The following RBFOX1 variants were observed in gnomAD, a reference collection of about 807,000 sequenced individuals.
The protein encoded by RBFOX1 is RNA binding fox-1 homolog 1, also known as RNA binding protein fox-1 homolog 1.
RBFOX1 carries 8 observed loss-of-function variants against 57.7 expected under a neutral mutation model. The observed-to-expected ratio is 0.14, with a 90% CI of 0.08 to 0.25. The LOEUF is 0.25. Among genes scored for constraint, RBFOX1 ranks in the 10% least tolerant of loss-of-function variants. The probability of loss-of-function intolerance (pLI) is 1.00; values close to 1 mark genes in which losing one functional copy is unlikely to be tolerated. For synonymous variants in RBFOX1, 326 were observed against 222.4 expected, an observed-to-expected ratio of 1.47 and a Z score of -4.15; for missense variants, 611 against 548.5, an observed-to-expected ratio of 1.11 and a Z score of -1.14.
chr16:6,782,671 T>C (rs1184632901), intron 3 of RBFOX1, among the ~76,000 whole-genome samples: 1 of 152,186 alleles, frequency 6.6e-6, no homozygotes, highest in Non-Finnish European at 1.5e-5. Context: ...GGAGAATATT[T>C]TATGTGCCCA....
intron 4 of RBFOX1, among the ~76,000 whole-genome samples, chr16:7,398,703 C>T (rs1268720247): frequency 6.6e-6 from 1 of 152,184 alleles, no homozygotes; most frequent in Non-Finnish European, 1.5e-5. Flanking sequence ...AGGCAACTTC[C>T]GTAGTCGGGG....
intron 3 of RBFOX1, among the ~76,000 whole-genome samples, chr16:5,771,473 A>G (rs1357603296): frequency 6.6e-6 from 1 of 152,204 alleles, no homozygotes; most frequent in Non-Finnish European, 1.5e-5. Flanking sequence ...CAGTAGAATG[A>G]TCTCAGTTCA....
intron 14 of RBFOX1, among the ~76,000 whole-genome samples, chr16:7,702,853 C>T (rs2081214009): frequency 6.6e-6 from 1 of 151,888 alleles, no homozygotes; most frequent in African/African-American, 2.4e-5. Flanking sequence ...ATTTATTTTT[C>T]ATTTGGAAAA....
chr16:5,763,388 A>C (rs542043606), intron 3 of RBFOX1, among the ~76,000 whole-genome samples: 1 of 152,274 alleles, frequency 6.6e-6, no homozygotes, highest in East Asian at 1.9e-4. Flanking sequence ...ACAGCGATGC[A>C]AACGTGTGTC....
At position 6,780,444 on chromosome 16, in the gene RBFOX1, A is replaced by ATATATATT. The variant is rs1567217458; in HGVS notation, c.-16+125800_-16+125801insTTTATATA. Among the ~76,000 whole-genome samples the ATATATATT allele has an allele frequency of 3.4e-4, 38 of 113,310 alleles. 2 individuals are homozygous for ATATATATT. The highest frequency in any genetic ancestry group is 1.4e-3 in the African/African-American group (38 of 27,500). The allele number at this position is 113,310 out of a possible 152,430, so 74.3% of individuals were successfully genotyped here. A position where few individuals can be genotyped will look rare whatever the true frequency, so the allele number is the denominator to read the frequency against. ...TTTATATATATTTATAGATATATTT[A>ATATATATT]TATATACATTTTTATATATATTTAT... On this transcript the variant is annotated intron_variant, in intron 3 of 15. Coordinates refer to ENST00000550418, the MANE Select transcript of RBFOX1 (RefSeq NM_018723.4).
intron 3 of RBFOX1, among the ~76,000 whole-genome samples, chr16:6,680,310 T>C (rs996064714): frequency 2.3e-5 from 3 of 132,886 alleles, no homozygotes; most frequent in Admixed American, 8.6e-5. Context: ...TCGCCCAGGC[T>C]GGAGTGCAGT....
At chr16:6,524,811 C>T (rs140924928) in intron 2 of RBFOX1, among the ~76,000 whole-genome samples, 3 of 152,264 alleles carry the variant, frequency 2.0e-5, no homozygotes, top group Non-Finnish European at 4.4e-5. Flanking sequence ...CACCTTCTTC[C>T]TCCATCACCT....
chr16:6,974,479 A>C (rs566799414), intron 3 of RBFOX1, among the ~76,000 whole-genome samples: 65 of 151,270 alleles, frequency 4.3e-4, no homozygotes, highest in Middle Eastern at 3.4e-3. Flanking sequence ...CAAGTAGCTG[A>C]GATAACAGGT....
chr16:6,464,324 A>G (rs542959696), intron 2 of RBFOX1, among the ~76,000 whole-genome samples: 2 of 152,236 alleles, frequency 1.3e-5, no homozygotes, highest in Non-Finnish European at 2.9e-5. Context: ...GCTTTTACGA[A>G]AAGATATACA....
chr16:7,388,726 T>A (rs564364436), intron 4 of RBFOX1, among the ~76,000 whole-genome samples: 1 of 147,438 alleles, frequency 6.8e-6, no homozygotes, highest in South Asian at 2.2e-4. Flanking sequence ...TGGTATTCAA[T>A]GAATTCCACG....
downstream of RBFOX1, among the ~76,000 whole-genome samples, chr16:5,603,676 C>T (rs1348580599): frequency 1.3e-5 from 2 of 152,118 alleles, no homozygotes; most frequent in Non-Finnish European, 2.9e-5. Context: ...TGCTTAGATG[C>T]CAGATGAAGT....
chr16:7,385,050 G>C (rs1288668120), intron 4 of RBFOX1, among the ~76,000 whole-genome samples: 3 of 152,218 alleles, frequency 2.0e-5, no homozygotes, highest in Non-Finnish European at 4.4e-5. Flanking sequence ...CCTAAGAGGA[G>C]AGGACCTTGG....
intron 2 of RBFOX1, among the ~76,000 whole-genome samples, chr16:6,522,630 G>A (rs142306238): frequency 2.0e-5 from 3 of 152,248 alleles, no homozygotes; most frequent in African/African-American, 4.8e-5. Context: ...CATAACTTGG[G>A]TTGGCATTCA....
At position 6,701,403 on chromosome 16, in the gene RBFOX1, C is replaced by T. The variant is rs1212041686; in HGVS notation, c.-16+46753C>T. Among the ~76,000 whole-genome samples, 7 of 152,174 alleles carry T rather than the reference C, an allele frequency of 4.6e-5. No homozygotes were observed. In the East Asian group the frequency reaches 1.2e-3, roughly 25 times the overall value. On this transcript the variant is annotated intron_variant, in intron 3 of 15. Transcript: ENST00000550418. ...ACTCCACAAAGTGGGAAGACATCTG[C>T]ATTAGTCTGTTTTACATTGCTGTAA...
At chr16:6,329,366 G>A (rs542877865) in intron 2 of RBFOX1, among the ~76,000 whole-genome samples, 2 of 152,286 alleles carry the variant, frequency 1.3e-5, no homozygotes, top group South Asian at 2.1e-4. Context: ...ACTGGAAGAG[G>A]ATACATAGAT....
In RBFOX1 at chr16:7,589,989, G is replaced by C. The variant is rs9923326; in HGVS notation, c.468+2689G>C. 4.7e-3 allele frequency among the ~76,000 whole-genome samples: 704 copies of C among 150,826 alleles called. 6 individuals carry two copies. The highest frequency in any genetic ancestry group is 0.016 in the African/African-American group (666 of 41,230). ...TAAACCCATATGTACTTAAGGGATGGACGCAGTGTCTCATACCTAACATTC... is the reference window on the plus strand; with the variant it reads ...TAAACCCATATGTACTTAAGGGATGCACGCAGTGTCTCATACCTAACATTC... On this transcript the variant is annotated intron_variant, in intron 7 of 15. Coordinates refer to ENST00000550418, the MANE Select transcript of RBFOX1 (RefSeq NM_018723.4).
chr16:6,782,993 T>A (rs938526339), intron 3 of RBFOX1, among the ~76,000 whole-genome samples: 6 of 152,290 alleles, frequency 3.9e-5, no homozygotes, highest in Admixed American at 3.3e-4. Context: ...ATGACCTTCT[T>A]TGTCTCTTTT....
intron 1 of RBFOX1, among the ~76,000 whole-genome samples, chr16:6,029,633 C>G (rs556951975): frequency 2.0e-5 from 3 of 152,022 alleles, no homozygotes; most frequent in Admixed American, 2.0e-4. Context: ...ATTAGCCGGG[C>G]GTGGTGGCGG....
In RBFOX1 at chr16:5,266,368, G is replaced by A. The variant is rs536959819; in HGVS notation, c.219+26263G>A. 5.3e-5 allele frequency among the ~76,000 whole-genome samples: 8 copies of A among 152,040 alleles called. No individual in the cohort carries two copies. In the South Asian group the frequency reaches 8.3e-4, roughly 16 times the overall value. ...CCCCAGATATTGCCTAATGTCCCCC[G>A]GGGGCATAATAGCCCCCATCTGAGA... On this transcript the variant is annotated intron_variant, in intron 1 of 2. Transcript: ENST00000585867.
Sources: allele counts gnomAD v4.1 joint callset (sites outside exome capture counted in the v4.1 genomes callset), GRCh38; gene constraint gnomAD v4.1.1; transcripts MANE v1.5; gene names NCBI Gene and HGNC (gene_info 2026-07-23, HGNC 2026-07-21).